CEP112: variants seen among roughly 807,000 people sequenced by gnomAD.
CEP112 encodes centrosomal protein of 112 kDa.
CEP112 carries 127 observed loss-of-function variants against 153.0 expected under a neutral mutation model. The ratio of observed to expected loss-of-function variants is 0.83; its 90% CI spans 0.72 to 0.96. The LOEUF (loss-of-function observed/expected upper bound fraction) is 0.96, where lower values mean the gene tolerates loss of function less well. Among genes scored for constraint, CEP112 ranks in the 40% least tolerant of loss-of-function variants. The pLI is 0.00. For synonymous variants in CEP112, 358 were observed against 374.4 expected, an observed-to-expected ratio of 0.96 and a Z score of 0.51; for missense variants, 1,089 against 1,101.2, an observed-to-expected ratio of 0.99 and a Z score of 0.16.
chr17:66,044,379 T>C (rs904737677), intron 12 of CEP112, among the ~76,000 whole-genome samples: 1 of 152,170 alleles, frequency 6.6e-6, no homozygotes, highest in Admixed American at 6.5e-5. Flanking sequence ...AATTTGTTTT[T>C]TGTCCATGCC....
chr17:65,706,997 C>T (rs750644111), intron 23 of CEP112, among the ~76,000 whole-genome samples: 3 of 152,170 alleles, frequency 2.0e-5, no homozygotes, highest in Non-Finnish European at 4.4e-5. Flanking sequence ...ATGTTCCCTC[C>T]CAAAGACTCC....
At chr17:65,803,322 C>A (rs2055390452) in intron 21 of CEP112, among the ~76,000 whole-genome samples, 1 of 152,208 alleles carries the variant, frequency 6.6e-6, no homozygotes, top group African/African-American at 2.4e-5. Context: ...GAAGCCACTA[C>A]ACATTTTGTG....
At chr17:66,136,972 T>A (rs2070462443) in intron 4 of CEP112, among the ~76,000 whole-genome samples, 3 of 151,584 alleles carry the variant, frequency 2.0e-5, no homozygotes, top group African/African-American at 7.3e-5. Context: ...ACACAAAGGG[T>A]CAAGGAAAAT....
chr17:65,747,749 A>T (rs944104588), intron 22 of CEP112, among the ~76,000 whole-genome samples: 1 of 152,264 alleles, frequency 6.6e-6, no homozygotes, highest in South Asian at 2.1e-4. Flanking sequence ...AGTGCTGCAG[A>T]TCTCAGAACG....
intron 19 of CEP112, chr17:65,913,769 A>G (rs925349780): frequency 2.0e-6 from 2 of 984,948 alleles, no homozygotes; most frequent in African/African-American, 1.7e-5. Context: ...CCCGAAGCTC[A>G]TGATACAGGG....
intron 5 of CEP112, among the ~76,000 whole-genome samples, chr17:66,130,560 G>A (rs2146527800): frequency 6.6e-6 from 1 of 152,122 alleles, no homozygotes; most frequent in South Asian, 2.1e-4. Flanking sequence ...CAGATCACGA[G>A]GTCAGGAGAT....
chr17:66,019,896 C>T (rs1235335060), intron 16 of CEP112, among the ~76,000 whole-genome samples: 1 of 152,174 alleles, frequency 6.6e-6, no homozygotes, highest in Non-Finnish European at 1.5e-5. Flanking sequence ...TAGCAGAAAC[C>T]TTAGTTTACT....
intron 21 of CEP112, among the ~76,000 whole-genome samples, chr17:65,787,261 C>T (rs555709866): frequency 1.1e-3 from 174 of 152,270 alleles, no homozygotes; most frequent in Non-Finnish European, 2.2e-3. Flanking sequence ...GGGAGGACTG[C>T]GTGAAGCCAG....
At chr17:65,640,154 A>ATATATATATATTT (rs1300751452) in intron 25 of CEP112, among the ~76,000 whole-genome samples, 8 of 78,340 alleles carry the variant, frequency 1.0e-4, no homozygotes, top group African/African-American at 5.6e-4. Flanking sequence ...ATATATATAT[A>ATATATATATATTT]TTTTTTTTTT....
At chr17:65,636,838 C>T (rs2044795594) in intron 26 of CEP112, 1 of 326,904 alleles carries the variant, frequency 3.1e-6, no homozygotes, top group African/African-American at 2.1e-5. Flanking sequence ...TCTTGAACTC[C>T]TGACCTCAGG....
chr17:65,752,526 C>A (rs2051943545), intron 21 of CEP112, among the ~76,000 whole-genome samples: 1 of 152,230 alleles, frequency 6.6e-6, no homozygotes, highest in South Asian at 2.1e-4. Context: ...TTCTCCTCAA[C>A]TGTACCTGAG....
chr17:65,892,519 T>A (rs755471381), intron 20 of CEP112, among the ~76,000 whole-genome samples: 1 of 150,338 alleles, frequency 6.7e-6, no homozygotes, highest in African/African-American at 2.5e-5. Context: ...CAGTAGATGA[T>A]GATTTTTTTT....
chr17:65,932,764 G>C (rs2061169732), intron 18 of CEP112, among the ~76,000 whole-genome samples: 1 of 152,110 alleles, frequency 6.6e-6, no homozygotes, highest in South Asian at 2.1e-4. Context: ...CACGAGAACA[G>C]CACCAAGGGG....
In CEP112 at chr17:66,191,852, G is replaced by A. The variant is rs1020677244; in HGVS notation, c.-9+145C>T. On this transcript the variant is annotated intron_variant, in intron 1 of 26. Transcript: ENST00000535342. The surrounding 1 kb of genome is among the most constrained non-coding windows in gnomAD (Gnocchi z 4.2). ...GGACCCCAGGGGCGCGCGCCCCCCA[G>A]GCCCGGAGAACGGGCCCAGGGCCTG... 6.6e-6 allele frequency: 1 copy of A among 152,290 alleles called. No individual in the cohort carries two copies. The highest frequency in any genetic ancestry group is 2.4e-5 in the African/African-American group (1 of 41,416). The allele number at this position is 152,290 out of a possible 1,614,324, so 9.4% of individuals were successfully genotyped here. A position where few individuals can be genotyped will look rare whatever the true frequency, so the allele number is the denominator to read the frequency against.
At chr17:65,916,589 C>T (rs1415412383) in intron 19 of CEP112, among the ~76,000 whole-genome samples, 2 of 151,122 alleles carry the variant, frequency 1.3e-5, no homozygotes, top group Non-Finnish European at 2.9e-5. Context: ...GTCACCCAGG[C>T]TAGATGGAGT....
At chr17:65,728,295 C>T (rs541190087) in intron 23 of CEP112, among the ~76,000 whole-genome samples, 8 of 152,060 alleles carry the variant, frequency 5.3e-5, no homozygotes, top group East Asian at 1.9e-4. Flanking sequence ...GGAGAAGAGG[C>T]GATAGGTTAC....
At chr17:65,974,668 C>T (rs866186291) in intron 17 of CEP112, among the ~76,000 whole-genome samples, 102 of 152,162 alleles carry the variant, frequency 6.7e-4, no homozygotes, top group African/African-American at 2.4e-3. Context: ...GTAAAAAGAA[C>T]GAGTGACTTC....
At chr17:65,765,737 T>C (rs2052926474) in intron 21 of CEP112, among the ~76,000 whole-genome samples, 1 of 152,106 alleles carries the variant, frequency 6.6e-6, no homozygotes, top group African/African-American at 2.4e-5. Flanking sequence ...CCCACAGTCA[T>C]CTGTGATACT....
chr17:65,971,428 CAT>C (rs541577337), intron 17 of CEP112, among the ~76,000 whole-genome samples: 73 of 50,600 alleles, frequency 1.4e-3, no homozygotes, highest in African/African-American at 4.1e-3. Context: ...ATGCTGCATG[CAT>C]GTTACATGGA....
Sources: allele counts gnomAD v4.1 joint callset (sites outside exome capture counted in the v4.1 genomes callset), GRCh38; gene constraint gnomAD v4.1.1; non-coding constraint Gnocchi (gnomAD v3.1); transcripts MANE v1.5; gene names NCBI Gene and HGNC (gene_info 2026-07-23, HGNC 2026-07-21).